The following ABCA8 variants were observed in gnomAD, a reference collection of about 807,000 sequenced individuals.
The protein encoded by ABCA8 is ATP binding cassette subfamily A member 8.
ABCA8 carries 177 observed loss-of-function variants against 192.3 expected under a neutral mutation model. That is an observed-to-expected ratio of 0.92 (90% CI 0.81 to 1.04). ABCA8 has a LOEUF of 1.04. Among genes scored for constraint, ABCA8 ranks in the 50% least tolerant of loss-of-function variants. The pLI, the probability that ABCA8 is intolerant of heterozygous loss-of-function variation, is 0.00. For synonymous variants in ABCA8, 642 were observed against 690.2 expected, an observed-to-expected ratio of 0.93 and a Z score of 1.09; for missense variants, 1,915 against 1,904.8, an observed-to-expected ratio of 1.01 and a Z score of -0.10.
At chr17:68,936,330 T>C (rs2068064190) in intron 5 of ABCA8, among the ~76,000 whole-genome samples, 1 of 152,166 alleles carries the variant, frequency 6.6e-6, no homozygotes, top group South Asian at 2.1e-4. Context: ...GTTTAGGTTT[T>C]AATCCATCTT....
In ABCA8 at chr17:68,929,627, G is replaced by A; in HGVS notation, c.873C>T (p.Thr291=). ...ALFLALVIRS[T]QFIILSGFMV... ...TGAAGCCAGACAAAATGATAAACTGGGTAGATCTTATAACAAGTGCCAAGA... is the reference window on the plus strand; with the variant it reads ...TGAAGCCAGACAAAATGATAAACTGAGTAGATCTTATAACAAGTGCCAAGA... Residue 291 remains threonine (T), a synonymous_variant, in exon 8 of 40, where the codon ACC becomes ACT. Transcript: ENST00000586539. 3 of 1,613,264 alleles carry A rather than the reference G, an allele frequency of 1.9e-6. No individual in the cohort carries two copies. Among genetic ancestry groups the A allele is most frequent in the Non-Finnish European group, 2.5e-6 (3 of 1,179,570 alleles).
At position 68,932,312 on chromosome 17, in the gene ABCA8, A is replaced by T; in HGVS notation, c.773T>A (p.Met258Lys). The T allele has an allele frequency of 6.2e-7, 1 of 1,613,592 alleles. No individual in the cohort carries two copies. The highest frequency in any genetic ancestry group is 8.5e-7 in the Non-Finnish European group (1 of 1,179,580). Residue 258 changes from methionine to lysine, a missense_variant, in exon 7 of 40, where the codon ATG (methionine) becomes AAG (lysine). Physicochemically the swap from Met to Lys is moderately conservative, Grantham distance 95. Transcript: ENST00000586539. ...RKRMKALMTM[M>K]GLRDSAFWLS... Reference sequence around the variant, plus strand: ...CCAGAACGCTGAATCCCGAAGACCCATCATTGTCATCAAGGCCTTCATCCT... The same window carrying T: ...CCAGAACGCTGAATCCCGAAGACCCTTCATTGTCATCAAGGCCTTCATCCT...
Position 68,907,843 on chromosome 17 carries a change from T to C in ABCA8, c.2175A>G (p.Ile725Met), listed in dbSNP as rs200850061. ...QLNEICVEEN[I>M]TSLVKQHIPD... ...GGATGTGCTGTTTAACAAGTGATGT[T>C]ATGTTTTCCTCAACACATATTTCAT... Residue 725 changes from isoleucine (I) to methionine (M), a missense_variant, in exon 18 of 40, where the codon ATA becomes ATG. By Grantham distance (10) the Ile-to-Met change is conservative (BLOSUM62 1). Transcript: ENST00000586539. The C allele has an allele frequency of 6.2e-7, 1 of 1,604,286 alleles. No individual in the cohort carries two copies. The highest frequency in any genetic ancestry group is 8.5e-7 in the Non-Finnish European group (1 of 1,176,728).
At chr17:68,889,673 G>T (rs2066579071) in intron 24 of ABCA8, among the ~76,000 whole-genome samples, 1 of 152,062 alleles carries the variant, frequency 6.6e-6, no homozygotes, top group Non-Finnish European at 1.5e-5. Flanking sequence ...AGTTTCCCAT[G>T]ATCCTTTGCA....
At chr17:68,954,231 A>C (rs2068652201) in intron 1 of ABCA8, among the ~76,000 whole-genome samples, 2 of 121,370 alleles carry the variant, frequency 1.6e-5, no homozygotes. Flanking sequence ...GTTTCCCTAC[A>C]CTCCACCTCA....
In ABCA8 at chr17:68,911,864, C is replaced by T. The variant is rs147495149; in HGVS notation, c.2139-3985G>A. 1.7e-3 allele frequency among the ~76,000 whole-genome samples: 264 copies of T among 152,280 alleles called. 1 individual carries two copies. Among genetic ancestry groups the T allele is most frequent in the African/African-American group, 6.3e-3 (261 of 41,576 alleles). ...GCACCAAAGTGGTACGTCGAAGAGTCTGCAAGAATCACCATGTTACTGGAT... is the reference window on the plus strand; with the variant it reads ...GCACCAAAGTGGTACGTCGAAGAGTTTGCAAGAATCACCATGTTACTGGAT... On this transcript the variant is annotated intron_variant, in intron 17 of 39. Transcript: ENST00000586539. The surrounding 1 kb of genome is among the most constrained non-coding windows in gnomAD (Gnocchi z 5.7).
intron 2 of ABCA8, among the ~76,000 whole-genome samples, chr17:68,943,979 A>G (rs1421584641): frequency 2.0e-5 from 3 of 152,112 alleles, no homozygotes; most frequent in Non-Finnish European, 4.4e-5. Flanking sequence ...CAGCCATGAA[A>G]AAGAATGAGA....
At chr17:68,895,374 CA>C (rs2066723209) in intron 21 of ABCA8, among the ~76,000 whole-genome samples, 2 of 152,046 alleles carry the variant, frequency 1.3e-5, no homozygotes, top group Admixed American at 6.6e-5. Context: ...AATTAATTTT[CA>C]AAATTTTCTT....
intron 1 of ABCA8, among the ~76,000 whole-genome samples, chr17:68,951,792 A>AT (rs2143827979): frequency 6.6e-6 from 1 of 152,258 alleles, no homozygotes; most frequent in African/African-American, 2.4e-5. Context: ...CTTTTGCTGC[A>AT]TTTTTAAATA....
intron 18 of ABCA8, among the ~76,000 whole-genome samples, chr17:68,906,408 C>G (rs1040645614): frequency 3.4e-4 from 51 of 152,180 alleles, no homozygotes; most frequent in Non-Finnish European, 2.1e-4. Context: ...ATTTGCATTT[C>G]TATTAAAGTT....
At chr17:68,909,883 G>A (rs144638038) in intron 17 of ABCA8, among the ~76,000 whole-genome samples, 78 of 152,108 alleles carry the variant, frequency 5.1e-4, no homozygotes, top group East Asian at 1.4e-3. Flanking sequence ...TTACAAAAAC[G>A]ACCAATCATG....
intron 5 of ABCA8, among the ~76,000 whole-genome samples, chr17:68,934,341 G>A (rs1291678196): frequency 6.6e-6 from 1 of 151,860 alleles, no homozygotes; most frequent in Non-Finnish European, 1.5e-5. Context: ...CTGTATATAT[G>A]TCTTCTTGTA....
rs2067399484 is a variant in ABCA8 at position 68,917,367 on chromosome 17, T to C, written c.2132A>G (p.His711Arg). 2 of 1,608,928 alleles carry C rather than the reference T, an allele frequency of 1.2e-6. No homozygotes were observed. The highest frequency in any genetic ancestry group is 1.7e-6 in the Non-Finnish European group (2 of 1,176,688). The change falls in exon 17 of 40, where the codon CAC becomes CGC. Residue 711 changes from histidine (H) to arginine (R), a missense_variant. Coordinates refer to ENST00000586539, the MANE Select transcript of ABCA8 (RefSeq NM_001288985.2). Reference sequence around the variant, plus strand: ...CCTTCTTAAGTGACCTTACCTTAAGTGATATCCAATCCCCCATTTCTTCTT... The same window carrying C: ...CCTTCTTAAGTGACCTTACCTTAAGCGATATCCAATCCCCCATTTCTTCTT... ...FLKKKWGIGY[H>R]LSLQLNEICV... is the part of the protein sequence containing the mutation.
At chr17:68,892,760 C>T (rs757314666) in intron 23 of ABCA8, among the ~76,000 whole-genome samples, 3 of 152,130 alleles carry the variant, frequency 2.0e-5, no homozygotes, top group Non-Finnish European at 2.9e-5. Flanking sequence ...TTAAGTTTCT[C>T]GCACATCCTT....
intron 26 of ABCA8, 144 bp from the exon 27 acceptor site, chr17:68,885,459 T>G: frequency 1.3e-6 from 1 of 751,818 alleles, no homozygotes; most frequent in South Asian, 2.2e-5. Flanking sequence ...TAACAGTTTA[T>G]TTTAGTGACT....
intron 1 of ABCA8, among the ~76,000 whole-genome samples, chr17:68,951,140 CCACACTA>C (rs2068556669): frequency 6.6e-6 from 1 of 152,154 alleles, no homozygotes; most frequent in Admixed American, 6.5e-5. Flanking sequence ...ACTGCAGACA[CCACACTA>C]CAAATGCTTA....
chr17:68,881,637 T>G (rs897178167), intron 31 of ABCA8, among the ~76,000 whole-genome samples: 10 of 152,254 alleles, frequency 6.6e-5, no homozygotes, highest in African/African-American at 2.4e-4. Flanking sequence ...CTTCAAAAGT[T>G]CATCTTATTA....
chr17:68,884,471 C>T, intron 27 of ABCA8, 75 bp from the exon 28 acceptor site: 1 of 1,456,034 alleles, frequency 6.9e-7, no homozygotes, highest in East Asian at 2.6e-5. Flanking sequence ...CGTGAATTGG[C>T]CCTAAACAGC....
At chr17:68,896,610 C>T (rs962957837) in intron 21 of ABCA8, among the ~76,000 whole-genome samples, 2 of 152,082 alleles carry the variant, frequency 1.3e-5, no homozygotes, top group Middle Eastern at 3.2e-3. Context: ...GTTACTTAGT[C>T]GCCACCTCCG....
Sources: gnomAD v4.1 joint callset for allele counts (sites outside exome capture counted in the v4.1 genomes callset) on GRCh38, gnomAD v4.1.1 for gene constraint, Gnocchi (gnomAD v3.1) non-coding constraint, MANE v1.5 for transcripts, NCBI Gene and HGNC (gene_info 2026-07-23, HGNC 2026-07-21) for gene names.